The following B3GALNT2 variants were observed in gnomAD, a reference collection of about 807,000 sequenced individuals.
The protein encoded by B3GALNT2 is beta-1,3-N-acetylgalactosaminyltransferase 2.
B3GALNT2 carries 53 observed loss-of-function variants against 61.1 expected under a neutral mutation model. That is an observed-to-expected ratio of 0.87 (90% CI 0.70 to 1.09). The LOEUF (loss-of-function observed/expected upper bound fraction) is 1.09, where lower values mean the gene tolerates loss of function less well. Among genes scored for constraint, B3GALNT2 ranks in the 50% least tolerant of loss-of-function variants. The pLI, the probability that B3GALNT2 is intolerant of heterozygous loss-of-function variation, is 0.00. For synonymous variants in B3GALNT2, 223 were observed against 237.4 expected (o/e 0.94, Z 0.56); for missense variants, 544 against 623.0 (o/e 0.87, Z 1.35).
chr1:235,448,193 T>G lies in B3GALNT2; in HGVS notation c.*2013A>C, dbSNP rs536344650. On this transcript the variant is annotated 3_prime_UTR_variant, in exon 12 of 12. Transcript: ENST00000366600. Reference sequence around the variant, plus strand: ...CCAGCCTGGGCGACAGAGCAAGACTTACTTAAGTAAGTAAGTAAGTCAGTC... The same window carrying G: ...CCAGCCTGGGCGACAGAGCAAGACTGACTTAAGTAAGTAAGTAAGTCAGTC... Among the ~76,000 whole-genome samples, 4 of 137,824 alleles carry G rather than the reference T, an allele frequency of 2.9e-5. No homozygotes were observed. Among genetic ancestry groups the G allele is most frequent in the South Asian group, 2.3e-4 (1 of 4,424 alleles). The allele number at this position is 137,824 out of a possible 152,430, so 90.4% of individuals were successfully genotyped here.
rs1684688507 is a variant in B3GALNT2 at position 235,484,195 on chromosome 1, A to G, written c.555+127T>C. ...CAGTGTATTTAGTCAATAGGGGAAG[A>G]AAGGTGAAAGTCTCTCAACCAGAGA... On this transcript the variant is annotated intron_variant, in intron 4 of 11. Coordinates refer to ENST00000366600, the MANE Select transcript of B3GALNT2 (RefSeq NM_152490.5). 8.1e-6 allele frequency: 11 copies of G among 1,361,920 alleles called. No individual in the cohort carries two copies. The South Asian group carries it at 1.7e-4, about 21-fold the overall frequency. The allele number at this position is 1,361,920 out of a possible 1,614,324, so 84.4% of individuals were successfully genotyped here. A position where few individuals can be genotyped will look rare whatever the true frequency, so the allele number is the denominator to read the frequency against.
chr1:235,479,905 T>C lies in B3GALNT2; in HGVS notation c.651+149A>G. ...GGAGGTTTGAATACAGAGTGCTATG[T>C]TTTAGCCCATCCACAGTTGGTACCT... On this transcript the variant is annotated intron_variant, in intron 5 of 11. Transcript: ENST00000366600. 5.1e-6 allele frequency: 7 copies of C among 1,370,448 alleles called. No homozygotes were observed. In the South Asian group the frequency reaches 9.4e-5, roughly 18 times the overall value. 84.9% of individuals were successfully genotyped at this position (1,370,448 alleles called of 1,614,324 possible). A position where few individuals can be genotyped will look rare whatever the true frequency, so the allele number is the denominator to read the frequency against.
At chr1:235,502,326 T>G in intron 1 of B3GALNT2, among the ~76,000 whole-genome samples, 1 of 152,214 alleles carries the variant, frequency 6.6e-6, no homozygotes, top group East Asian at 1.9e-4. Context: ...CATGTTTAAC[T>G]TAGATTATTA....
At chr1:235,460,643 A>G (rs1683380138) in intron 7 of B3GALNT2, among the ~76,000 whole-genome samples, 1 of 150,660 alleles carries the variant, frequency 6.6e-6, no homozygotes, top group Admixed American at 6.6e-5. Context: ...GTGTAATTAT[A>G]GCTTACTGCA....
chr1:235,484,682 T>C lies in B3GALNT2; in HGVS notation c.362-167A>G, dbSNP rs188750550. The C allele has an allele frequency of 1.0e-5, 13 of 1,257,602 alleles. No individual in the cohort carries two copies. In the East Asian group the frequency reaches 2.7e-4, roughly 26 times the overall value. The allele number at this position is 1,257,602 out of a possible 1,614,324, so 77.9% of individuals were successfully genotyped here. ...TGCTTGAGAAAAATGGCTGCTTCTA[T>C]ATAAACATTTTTGAAATTTAAGAAT... On this transcript the variant is annotated intron_variant, in intron 3 of 11. Transcript: ENST00000366600.
At chr1:235,459,507 C>A (rs1683318213) in intron 7 of B3GALNT2, among the ~76,000 whole-genome samples, 1 of 152,074 alleles carries the variant, frequency 6.6e-6, no homozygotes, top group Non-Finnish European at 1.5e-5. Context: ...CCTCTGGTCC[C>A]AGCTTCTTGG....
At chr1:235,484,933 C>T (rs1684732331) in intron 3 of B3GALNT2, among the ~76,000 whole-genome samples, 1 of 152,178 alleles carries the variant, frequency 6.6e-6, no homozygotes, top group Non-Finnish European at 1.5e-5. Context: ...TTCCAAAAAT[C>T]CTACTTCTTG....
rs1426397623 is a variant in B3GALNT2 at position 235,504,269 on chromosome 1, G to A, written c.-17C>T. ...GTTTCGCATTGGCCGCCCCCGCCGCGAGCCGGGCTCTCCCGCGTCCCGGCG... is the reference window on the plus strand; with the variant it reads ...GTTTCGCATTGGCCGCCCCCGCCGCAAGCCGGGCTCTCCCGCGTCCCGGCG... On this transcript the variant is annotated 5_prime_UTR_variant, in exon 1 of 12. Coordinates refer to ENST00000366600, the MANE Select transcript of B3GALNT2 (RefSeq NM_152490.5). 5 of 1,485,340 alleles carry A rather than the reference G, an allele frequency of 3.4e-6. 1 individual carries two copies. Among genetic ancestry groups the A allele is most frequent in the Middle Eastern group, 2.2e-4 (1 of 4,550 alleles). The allele number at this position is 1,485,340 out of a possible 1,614,324, so 92.0% of individuals were successfully genotyped here.
chr1:235,462,490 G>A (rs956351686), intron 7 of B3GALNT2, among the ~76,000 whole-genome samples: 6 of 152,136 alleles, frequency 3.9e-5, no homozygotes, highest in African/African-American at 1.4e-4. Context: ...AAATGATTAA[G>A]TAATAAATAC....
the B3GALNT2 span, chr1:235,441,795 CTT>C: frequency 6.8e-6 from 11 of 1,612,416 alleles, no homozygotes; most frequent in East Asian, 2.5e-4. Flanking sequence ...TCATTCATCT[CTT>C]TTGCTTTCTT....
intron 1 of B3GALNT2, among the ~76,000 whole-genome samples, chr1:235,500,279 G>T (rs1162206165): frequency 6.6e-6 from 1 of 152,146 alleles, no homozygotes; most frequent in Non-Finnish European, 1.5e-5. Flanking sequence ...AATCGCTTGA[G>T]GTCAGGAGTT....
Position 235,448,252 on chromosome 1 carries a change from C to CTATCATTG in B3GALNT2, c.*1946_*1953dup, listed in dbSNP as rs1280871547. ...AAAAAAAAAAAAAAGACAGATACAG[C>CTATCATTG]TATCATTGCAATGATACTGTGGTCT... On this transcript the variant is annotated 3_prime_UTR_variant, in exon 12 of 12. Coordinates refer to ENST00000366600, the MANE Select transcript of B3GALNT2 (RefSeq NM_152490.5). 2 of 815,358 alleles carry CTATCATTG rather than the reference C, an allele frequency of 2.5e-6. No homozygotes were observed. The highest frequency in any genetic ancestry group is 4.3e-6 in the Non-Finnish European group (2 of 470,552). 50.5% of individuals were successfully genotyped at this position (815,358 alleles called of 1,614,324 possible).
intron 2 of B3GALNT2, among the ~76,000 whole-genome samples, chr1:235,493,819 C>T (rs1292020046): frequency 1.3e-5 from 2 of 152,154 alleles, no homozygotes; most frequent in African/African-American, 2.4e-5. Context: ...TGTATAGCTA[C>T]TCAGTCACAA....
chr1:235,455,450 G>T, intron 9 of B3GALNT2, 109 bp downstream of exon 9: 1 of 1,225,354 alleles, frequency 8.2e-7, no homozygotes. Context: ...AGTCTAGTAC[G>T]AAATTGTATA....
chr1:235,460,290 G>A (rs1019811160), intron 7 of B3GALNT2, among the ~76,000 whole-genome samples: 2 of 150,894 alleles, frequency 1.3e-5, no homozygotes, highest in Non-Finnish European at 3.0e-5. Context: ...CTAATTGTTT[G>A]TATTTTTACA....
chr1:235,497,791 C>G (rs1685395405), intron 1 of B3GALNT2, among the ~76,000 whole-genome samples: 1 of 152,142 alleles, frequency 6.6e-6, no homozygotes, highest in African/African-American at 2.4e-5. Context: ...TGGTTTTTAC[C>G]TGACTTCTCC....
At chr1:235,483,029 T>C (rs759747971) in intron 4 of B3GALNT2, among the ~76,000 whole-genome samples, 1 of 151,752 alleles carries the variant, frequency 6.6e-6, no homozygotes, top group Non-Finnish European at 1.5e-5. Context: ...TCTCAAACAA[T>C]GAACACATAG....
At chr1:235,472,480 C>A (rs550341091) in intron 5 of B3GALNT2, among the ~76,000 whole-genome samples, 1 of 152,244 alleles carries the variant, frequency 6.6e-6, no homozygotes, top group East Asian at 1.9e-4. Flanking sequence ...TCTATCACAT[C>A]AACCTGTTTT....
intron 3 of B3GALNT2, among the ~76,000 whole-genome samples, chr1:235,485,125 T>C (rs6691760): frequency 0.057 from 8,695 of 152,284 alleles, 295 homozygotes; most frequent in Non-Finnish European, 0.074. Context: ...ATATCTTCAC[T>C]ACTACCCTTG....
Sources: allele counts gnomAD v4.1 joint callset (sites outside exome capture counted in the v4.1 genomes callset), GRCh38; gene constraint gnomAD v4.1.1; transcripts MANE v1.5; gene names NCBI Gene and HGNC (gene_info 2026-07-23, HGNC 2026-07-21).